The following LIFR variants were observed in gnomAD, a reference collection of about 807,000 sequenced individuals.
LIFR encodes LIF receptor subunit alpha.
LIFR carries 84 observed loss-of-function variants against 122.2 expected under a neutral mutation model. The ratio of observed to expected loss-of-function variants is 0.69; its 90% confidence interval spans 0.58 to 0.82. LIFR has a LOEUF of 0.82. LIFR is among the 40% of genes least tolerant of loss of function. The pLI is 0.00. For missense variants in LIFR, 1,294 were observed against 1,311.6 expected (o/e 0.99, Z 0.21); for synonymous variants, 422 against 434.7 (o/e 0.97, Z 0.36).
chr5:38,522,176 G>A (rs1012401645), intron 5 of LIFR, among the ~76,000 whole-genome samples: 14 of 152,210 alleles, frequency 9.2e-5, no homozygotes, highest in Admixed American at 8.5e-4. Flanking sequence ...GCTGTAGTCT[G>A]CGCTTCACTC....
At chr5:38,486,052 T>A in intron 16 of LIFR, 72 bp from the exon 17 acceptor site, 1 of 1,390,990 alleles carries the variant, frequency 7.2e-7, no homozygotes, top group Non-Finnish European at 1.0e-6. Flanking sequence ...CACACCTGTC[T>A]CACCAACTGC....
intron 13 of LIFR, among the ~76,000 whole-genome samples, chr5:38,494,346 G>C (rs1410773402): frequency 6.6e-6 from 1 of 152,160 alleles, no homozygotes; most frequent in Non-Finnish European, 1.5e-5. Flanking sequence ...GGTAGGGTGG[G>C]GGCAAGGGAG....
chr5:38,497,015 A>T (rs1314928194), intron 12 of LIFR, among the ~76,000 whole-genome samples: 6 of 151,856 alleles, frequency 4.0e-5, no homozygotes, highest in Non-Finnish European at 4.4e-5. Context: ...AGTATCAGAA[A>T]AGATGAAGCT....
intron 18 of LIFR, among the ~76,000 whole-genome samples, chr5:38,483,595 A>G (rs187592081): frequency 1.3e-5 from 2 of 151,894 alleles, no homozygotes; most frequent in Non-Finnish European, 2.9e-5. Flanking sequence ...ATGCTCAGCT[A>G]ATTTTTTGTA....
At chr5:38,497,281 TCAA>T (rs745672324) in intron 12 of LIFR, among the ~76,000 whole-genome samples, 61 of 152,232 alleles carry the variant, frequency 4.0e-4, no homozygotes, top group African/African-American at 1.3e-3. Context: ...AGACTCTGTC[TCAA>T]CAACAACAAC....
chr5:38,558,619 T>C (rs1283773111), upstream of LIFR: 1 of 152,130 alleles, frequency 6.6e-6, no homozygotes, highest in Non-Finnish European at 1.5e-5. Context: ...GACTGGGTAA[T>C]TTATAAAGGA....
chr5:38,502,343 C>T (rs866842469), intron 11 of LIFR, among the ~76,000 whole-genome samples: 5 of 152,042 alleles, frequency 3.3e-5, no homozygotes, highest in Middle Eastern at 3.4e-3. Context: ...CTGCAACCTC[C>T]GCCTCCCAGA....
chr5:38,507,542 C>T (rs1414046686), intron 7 of LIFR, among the ~76,000 whole-genome samples: 4 of 121,682 alleles, frequency 3.3e-5, no homozygotes, highest in African/African-American at 6.5e-5. Context: ...CTGGTCTGGG[C>T]GACAGAGCGA....
chr5:38,518,392 T>C (rs979155156), intron 5 of LIFR, among the ~76,000 whole-genome samples: 12 of 152,224 alleles, frequency 7.9e-5, no homozygotes, highest in African/African-American at 2.9e-4. Flanking sequence ...GTTGTGAGGA[T>C]AAAAAGAATC....
intron 5 of LIFR, among the ~76,000 whole-genome samples, chr5:38,514,236 G>A (rs1032600488): frequency 6.6e-6 from 1 of 151,976 alleles, no homozygotes; most frequent in Admixed American, 6.6e-5. Flanking sequence ...AGACAGAGAA[G>A]GACAAATCAA....
At chr5:38,590,095 CA>C (rs1749875595) in intron 1 of LIFR, among the ~76,000 whole-genome samples, 1 of 152,182 alleles carries the variant, frequency 6.6e-6, no homozygotes, top group Non-Finnish European at 1.5e-5. Flanking sequence ...GAGTTAGCCT[CA>C]AGTCTTTTCT....
intron 1 of LIFR, among the ~76,000 whole-genome samples, chr5:38,567,508 T>TTATTTATGTATG (rs1289925358): frequency 2.7e-5 from 4 of 145,456 alleles, no homozygotes; most frequent in African/African-American, 1.0e-4. Flanking sequence ...ATTTATTTAT[T>TTATTTATGTATG]TATTTATTTA....
chr5:38,584,844 G>A (rs1439635340), intron 1 of LIFR, among the ~76,000 whole-genome samples: 1 of 152,132 alleles, frequency 6.6e-6, no homozygotes, highest in African/African-American at 2.4e-5. Flanking sequence ...TGTTAAATAA[G>A]TAGAGTTCAG....
intron 7 of LIFR, among the ~76,000 whole-genome samples, chr5:38,509,475 G>A (rs1471617205): frequency 6.6e-6 from 1 of 152,116 alleles, no homozygotes; most frequent in Non-Finnish European, 1.5e-5. Context: ...ATTCCTTTGG[G>A]AATACATCAG....
chr5:38,517,782 G>A lies in LIFR; in HGVS notation c.561+5637C>T, dbSNP rs111504037. 0.017 allele frequency among the ~76,000 whole-genome samples: 2,487 copies of A among 146,542 alleles called. 181 individuals carry two copies. In the East Asian group the frequency reaches 0.26, roughly 15 times the overall value. On this transcript the variant is annotated intron_variant, in intron 5 of 19. Transcript: ENST00000453190. ...TGAAGCAAGAGAATAGCTTGAACCC[G>A]GGATTTGGAGGTTGCAGTGAGCCGA...
chr5:38,505,950 G>A lies in LIFR; in HGVS notation c.1246C>T (p.Leu416=). The A allele has an allele frequency of 1.9e-6, 3 of 1,610,966 alleles. No individual in the cohort carries two copies. Among genetic ancestry groups the A allele is most frequent in the Non-Finnish European group, 2.5e-6 (3 of 1,178,182 alleles). The stretch of plus-strand genomic sequence containing the variant: ...AAAATTGTTGATTGTGATCGACCCA[G>A]CGGATTGTGAGCATTCAAAGTAAAA... The part of the protein sequence containing the change: ...YNFTLNAHNP[L]GRSQSTILVN... Residue 416 remains leucine (L), a synonymous_variant, in exon 9 of 20, where the codon CTG becomes TTG. Coordinates refer to ENST00000453190, the MANE Select transcript of LIFR (RefSeq NM_001127671.2).
At chr5:38,484,648 T>A in intron 18 of LIFR, 127 bp downstream of exon 18, 1 of 689,888 alleles carries the variant, frequency 1.4e-6, no homozygotes, top group Middle Eastern at 2.5e-4. Context: ...TAATTCTAAT[T>A]AAAACATTTT....
At chr5:38,524,315 T>A (rs527741569) in intron 4 of LIFR, among the ~76,000 whole-genome samples, 1 of 152,282 alleles carries the variant, frequency 6.6e-6, no homozygotes, top group South Asian at 2.1e-4. Context: ...AGCCAGTGGT[T>A]ACTGTGCAGA....
chr5:38,548,599 C>T (rs1430230679), intron 1 of LIFR, among the ~76,000 whole-genome samples: 1 of 152,152 alleles, frequency 6.6e-6, no homozygotes, highest in African/African-American at 2.4e-5. Flanking sequence ...AGAAAAGGCA[C>T]TCAACAGTGA....
Sources: gnomAD v4.1 joint callset for allele counts (sites outside exome capture counted in the v4.1 genomes callset) on GRCh38, gnomAD v4.1.1 for gene constraint, MANE v1.5 for transcripts, NCBI Gene and HGNC (gene_info 2026-07-23, HGNC 2026-07-21) for gene names.